CCDC66: variants seen among roughly 807,000 people sequenced by gnomAD.
CCDC66 encodes the protein coiled-coil domain containing 66.
CCDC66 carries 133 observed loss-of-function variants against 128.3 expected under a neutral mutation model. That is an observed-to-expected ratio of 1.04 (90% CI 0.90 to 1.20). The LOEUF (loss-of-function observed/expected upper bound fraction) is 1.20, where lower values mean the gene tolerates loss of function less well. CCDC66 is among the 50% of genes most tolerant of loss of function. The pLI, the probability that CCDC66 is intolerant of heterozygous loss-of-function variation, is 0.00. For synonymous variants in CCDC66, 387 were observed against 357.0 expected (o/e 1.08, Z -0.95); for missense variants, 1,126 against 1,075.5 (o/e 1.05, Z -0.66).
At position 56,562,814 on chromosome 3, in the gene CCDC66, A is replaced by AT. The variant is rs573450400; in HGVS notation, c.103-858dup. On this transcript the variant is annotated intron_variant, in intron 3 of 17. Coordinates refer to ENST00000394672, the MANE Select transcript of CCDC66 (RefSeq NM_001141947.3). ...CCACCACGCCCAGCTAATTTTTTGT[A>AT]TTTTTTTTTTTTAGTAGAGATGGTG... 3.6e-3 allele frequency among the ~76,000 whole-genome samples: 495 copies of AT among 138,014 alleles called. 1 individual carries two copies. Among genetic ancestry groups the AT allele is most frequent in the Middle Eastern group, 0.011 (3 of 270 alleles). The allele number at this position is 138,014 out of a possible 152,430, so 90.5% of individuals were successfully genotyped here. A position where few individuals can be genotyped will look rare whatever the true frequency, so the allele number is the denominator to read the frequency against.
intron 10 of CCDC66, among the ~76,000 whole-genome samples, chr3:56,597,186 T>G (rs1390120070): frequency 6.6e-6 from 1 of 152,012 alleles, no homozygotes; most frequent in Admixed American, 6.5e-5. Flanking sequence ...TCTTGACACT[T>G]TTGTTGAAAA....
At chr3:56,571,376 TA>T (rs34099535) in intron 7 of CCDC66, 74 bp downstream of exon 7, 382,604 of 841,662 alleles carry the variant, frequency 0.45, 73,303 homozygotes, top group Non-Finnish European at 0.51. Flanking sequence ...TAAAGCTTAT[TA>T]AAAAAAAAAA....
intron 16 of CCDC66, 114 bp downstream of exon 16, chr3:56,619,641 AAT>A (rs2076081358): frequency 2.0e-6 from 3 of 1,484,130 alleles, no homozygotes; most frequent in African/African-American, 1.4e-5. Flanking sequence ...AAGTTTCTTG[AAT>A]ATGTCTTAAA....
intron 7 of CCDC66, among the ~76,000 whole-genome samples, chr3:56,571,864 G>T (rs574909830): frequency 2.0e-5 from 3 of 151,952 alleles, no homozygotes; most frequent in Non-Finnish European, 4.4e-5. Flanking sequence ...TACTACAGGT[G>T]TACTCCACCA....
At chr3:56,584,205 A>G (rs1280410445) in intron 7 of CCDC66, among the ~76,000 whole-genome samples, 1 of 142,718 alleles carries the variant, frequency 7.0e-6, no homozygotes, top group African/African-American at 2.6e-5. Context: ...GACGCTCCTC[A>G]CTTCCCAGAC....
intron 7 of CCDC66, among the ~76,000 whole-genome samples, chr3:56,581,855 G>A (rs1036582832): frequency 2.6e-5 from 4 of 151,950 alleles, no homozygotes; most frequent in East Asian, 2.0e-4. Context: ...TAGGCTACTC[G>A]GTGGTTAGGG....
chr3:56,572,497 T>G, intron 7 of CCDC66: 1 of 635,538 alleles, frequency 1.6e-6, no homozygotes, highest in Non-Finnish European at 2.2e-6. Context: ...CTATTTTCCT[T>G]GAAGGAGAGA....
intron 10 of CCDC66, among the ~76,000 whole-genome samples, chr3:56,612,822 G>A (rs2075027735): frequency 1.3e-5 from 2 of 152,222 alleles, no homozygotes; most frequent in African/African-American, 4.8e-5. Context: ...GGACCAATGT[G>A]CTTGGTTACT....
chr3:56,573,392 G>A (rs939480425), intron 7 of CCDC66, among the ~76,000 whole-genome samples: 25 of 152,172 alleles, frequency 1.6e-4, no homozygotes, highest in Admixed American at 3.9e-4. Context: ...CATAGCCTTC[G>A]GCCAACCAGG....
chr3:56,567,469 T>C (rs2066018016), intron 6 of CCDC66, among the ~76,000 whole-genome samples: 1 of 152,044 alleles, frequency 6.6e-6, no homozygotes, highest in Non-Finnish European at 1.5e-5. Flanking sequence ...CCTCTGGAGG[T>C]TTTCTGAAAG....
chr3:56,566,877 A>G (rs1431766621), intron 5 of CCDC66, 73 bp from the exon 6 acceptor site: 7 of 1,487,532 alleles, frequency 4.7e-6, no homozygotes, highest in South Asian at 3.6e-5. Flanking sequence ...AAAGCTTATT[A>G]CTTAATATTT....
chr3:56,583,826 C>T (rs192889843), intron 7 of CCDC66, among the ~76,000 whole-genome samples: 3,997 of 150,504 alleles, frequency 0.027, 260 homozygotes, highest in East Asian at 0.21. Flanking sequence ...ACCTCCCAGA[C>T]GGGGTGGCGG....
At chr3:56,567,144 C>G in intron 6 of CCDC66, 91 bp downstream of exon 6, 1 of 954,222 alleles carries the variant, frequency 1.0e-6, no homozygotes, top group Middle Eastern at 2.2e-4. Flanking sequence ...GTAATACCAG[C>G]ACTTTGGGAA....
intron 6 of CCDC66, 31 bp downstream of exon 6, chr3:56,567,084 T>C (rs1204307251): frequency 6.6e-7 from 1 of 1,516,198 alleles, no homozygotes; most frequent in Non-Finnish European, 9.2e-7. Flanking sequence ...TATTATAGTT[T>C]TATTGGCTTA....
intron 16 of CCDC66, 94 bp from the exon 17 acceptor site, chr3:56,619,683 C>CTTATT (rs2076091478): frequency 1.3e-6 from 2 of 1,504,936 alleles, no homozygotes; most frequent in Admixed American, 2.1e-5. Context: ...AGGATACATA[C>CTTATT]TTATTATAAT....
rs759604245 is a variant in CCDC66, at chr3:56,619,357, A to G, written c.2465A>G (p.Tyr822Cys). Reference sequence around the variant, plus strand: ...CATTTACCACTAAAAAACAGTAGCTATGAGAGAGAGAATTTGATCTCAGGA... The same window carrying G: ...CATTTACCACTAAAAAACAGTAGCTGTGAGAGAGAGAATTTGATCTCAGGA... The part of the protein sequence containing the change: ...TLHLPLKNSS[Y>C]ERENLISGSN... The change falls in exon 16 of 18, where the codon TAT (tyrosine) becomes TGT (cysteine). Residue 822 changes from tyrosine to cysteine, a missense_variant. Transcript: ENST00000394672. The G allele has an allele frequency of 1.3e-5, 21 of 1,613,832 alleles. No homozygotes were observed. The highest frequency in any genetic ancestry group is 8.0e-5 in the African/African-American group (6 of 74,914).
intron 7 of CCDC66, among the ~76,000 whole-genome samples, chr3:56,575,134 A>T (rs1389521205): frequency 6.6e-6 from 1 of 151,542 alleles, no homozygotes; most frequent in South Asian, 2.1e-4. Flanking sequence ...TTAATTTTGT[A>T]ATTTTGTGTT....
chr3:56,576,358 A>G (rs971194925), intron 7 of CCDC66, among the ~76,000 whole-genome samples: 7 of 149,618 alleles, frequency 4.7e-5, no homozygotes, highest in African/African-American at 1.5e-4. Flanking sequence ...TTTTGATGCC[A>G]TTGTACATGG....
At chr3:56,607,115 G>A (rs971282379) in intron 10 of CCDC66, among the ~76,000 whole-genome samples, 2 of 152,044 alleles carry the variant, frequency 1.3e-5, no homozygotes, top group African/African-American at 4.8e-5. Flanking sequence ...GTCTTGCTGT[G>A]GCTATGTGGG....
Sources: gnomAD v4.1 joint callset for allele counts (sites outside exome capture counted in the v4.1 genomes callset) on GRCh38, gnomAD v4.1.1 for gene constraint, MANE v1.5 for transcripts, NCBI Gene and HGNC (gene_info 2026-07-23, HGNC 2026-07-21) for gene names.